Variants in NLRP9 observed in about 807,000 individuals in gnomAD.
NLRP9 encodes NLR family pyrin domain containing 9.
NLRP9 carries 88 observed loss-of-function variants against 83.1 expected under a neutral mutation model. The ratio of observed to expected loss-of-function variants is 1.06; its 90% CI spans 0.89 to 1.26. The LOEUF is 1.26. Ranked by LOEUF, NLRP9 falls within the 50% of genes most tolerant of loss-of-function variation. The pLI is 0.00. For missense variants in NLRP9, 1,308 were observed against 1,179.3 expected (o/e 1.11, Z -1.60); for synonymous variants, 521 against 447.6 (o/e 1.16, Z -2.07).
chr19:55,722,242 T>C (rs1988249818), intron 4 of NLRP9, among the ~76,000 whole-genome samples: 1 of 152,150 alleles, frequency 6.6e-6, no homozygotes, highest in African/African-American at 2.4e-5. Context: ...GTAGATATGT[T>C]CCCCAATCCT....
chr19:55,723,827 A>G (rs530247316), intron 4 of NLRP9, among the ~76,000 whole-genome samples, 153 bp downstream of exon 4: 1 of 152,098 alleles, frequency 6.6e-6, no homozygotes, highest in Non-Finnish European at 1.5e-5. Context: ...GGCAGAATCT[A>G]CCTTCACCTT....
At chr19:55,737,949 T>C in intron 1 of NLRP9, 146 bp downstream of exon 1, 2 of 780,830 alleles carry the variant, frequency 2.6e-6, no homozygotes, top group Non-Finnish European at 4.3e-6. Context: ...TGAACAGCCC[T>C]GGCCTGCAAC....
At position 55,732,833 on chromosome 19, in the gene NLRP9, A is replaced by C; in HGVS notation, c.998T>G (p.Leu333Trp). The change falls in exon 2 of 9, where the codon TTG becomes TGG. Residue 333 changes from leucine (L) to tryptophan (W), a missense_variant. Physicochemically the swap from Leu to Trp is moderately conservative, Grantham distance 61 (BLOSUM62 -2). Coordinates refer to ENST00000332836, the MANE Select transcript of NLRP9 (RefSeq NM_176820.4). ...FVRDNGPLFI[L>W]CHNPFTCWLV... ...CCAGCACGTAAAGGGATTATGGCAC[A>C]AGATAAACAGCGGCCCATTATCTCT... is the stretch of plus-strand genomic sequence containing the variant. The C allele has an allele frequency of 6.2e-7, 1 of 1,614,178 alleles. No homozygotes were observed. The highest frequency in any genetic ancestry group is 8.5e-7 in the Non-Finnish European group (1 of 1,180,020).
Position 55,732,844 on chromosome 19 carries a change from C to A in NLRP9, c.987G>T (p.Pro329=), listed in dbSNP as rs762877856. 2 of 1,614,074 alleles carry A rather than the reference C, an allele frequency of 1.2e-6. No homozygotes were observed. Among genetic ancestry groups the A allele is most frequent in the Non-Finnish European group, 1.7e-6 (2 of 1,179,978 alleles). ...KVFNFVRDNG[P]LFILCHNPFT... is the part of the protein sequence containing the mutation. ...AGGGATTATGGCACAAGATAAACAG[C>A]GGCCCATTATCTCTCACAAAATTGA... Residue 329 remains proline (P), a synonymous_variant, in exon 2 of 9, where the codon CCG becomes CCT. Transcript: ENST00000332836.
At chr19:55,736,463 A>G (rs115227306) in intron 1 of NLRP9, among the ~76,000 whole-genome samples, 3,237 of 152,190 alleles carry the variant, frequency 0.021, 83 homozygotes, top group African/African-American at 0.059. Flanking sequence ...CAAGTGAGAA[A>G]CTCTCAGTTC....
In NLRP9 at chr19:55,729,908, A is replaced by AT. The variant is rs756201407; in HGVS notation, c.1916dup (p.Asn639LysfsTer6). The AT allele has an allele frequency of 6.2e-7, 1 of 1,613,770 alleles. No homozygotes were observed. The highest frequency in any genetic ancestry group is 1.1e-5 in the South Asian group (1 of 91,062). On this transcript the variant is annotated frameshift_variant, in exon 3 of 9. Transcript: ENST00000332836. LOFTEE classifies it high-confidence loss of function. ...CCAGGGAGGGATCATCGAGGCTGGT[A>AT]TTTTCCATGTCTAAAATCTGGAAGT...
intron 8 of NLRP9, among the ~76,000 whole-genome samples, chr19:55,710,442 T>G (rs546557319): frequency 6.6e-6 from 1 of 152,238 alleles, no homozygotes; most frequent in African/African-American, 2.4e-5. Flanking sequence ...TGATATGGTT[T>G]GAATCTGTGT....
At chr19:55,722,263 T>C (rs1988251183) in intron 4 of NLRP9, among the ~76,000 whole-genome samples, 1 of 152,226 alleles carries the variant, frequency 6.6e-6, no homozygotes, top group Non-Finnish European at 1.5e-5. Flanking sequence ...TATGTTAATG[T>C]ATAATAGATA....
At position 55,729,832 on chromosome 19, in the gene NLRP9, T is replaced by G; in HGVS notation, c.1993A>C (p.Ile665Leu). The G allele has an allele frequency of 6.2e-7, 1 of 1,610,070 alleles. No individual in the cohort carries two copies. Residue 665 changes from isoleucine to leucine, a missense_variant and splice_region_variant, in exon 3 of 9, where the codon ATA becomes CTA. Transcript: ENST00000332836. ...AGGACAGGTTAACATAAAACTTACA[T>G]GAGTTTTCGGAGTTTACAAACAGGC... ...AQPVCKLRKL[I>L]FTSVYFGHDS...
chr19:55,724,215 G>C, intron 3 of NLRP9, 71 bp from the exon 4 acceptor site: 1 of 1,046,704 alleles, frequency 9.6e-7, no homozygotes, highest in South Asian at 1.6e-5. Context: ...CCTCTTGTAC[G>C]ATTCTTCCTG....
In NLRP9 at chr19:55,711,961, C is replaced by T. The variant is rs760040205; in HGVS notation, c.2682G>A (p.Thr894=). Residue 894 remains threonine (T), a synonymous_variant, in exon 8 of 9, where the codon ACG becomes ACA. Transcript: ENST00000332836. ...CGCAGCAGGCACGGGTGATCGGACA[C>T]GTTTGCAGCCTGCAAAAGGGAAACA... The part of the protein sequence containing the change: ...HCKLECLGLQ[T]CPITRACCDD... 4.2e-5 allele frequency: 68 copies of T among 1,612,052 alleles called. No individual in the cohort carries two copies. The Admixed American group carries it at 6.7e-4, about 16-fold the overall frequency.
chr19:55,731,562 A>C (rs921455028), intron 2 of NLRP9, among the ~76,000 whole-genome samples: 5 of 147,682 alleles, frequency 3.4e-5, no homozygotes, highest in Non-Finnish European at 7.4e-5. Context: ...TGTCTCTACC[A>C]AAAATACAAA....
chr19:55,718,368 A>G (rs1466090209), intron 4 of NLRP9, among the ~76,000 whole-genome samples: 2 of 152,150 alleles, frequency 1.3e-5, no homozygotes. Flanking sequence ...TGCAGTTGAG[A>G]TAAGAGGAAG....
At chr19:55,733,701 G>A (rs1988680177) in intron 1 of NLRP9, 151 bp from the exon 2 acceptor site, 4 of 593,650 alleles carry the variant, frequency 6.7e-6, no homozygotes, top group Non-Finnish European at 1.2e-5. Context: ...ACTGGTTCAC[G>A]CCATGATGGG....
intron 4 of NLRP9, among the ~76,000 whole-genome samples, chr19:55,718,398 C>A (rs947536728): frequency 6.6e-6 from 1 of 152,002 alleles, no homozygotes; most frequent in South Asian, 2.1e-4. Flanking sequence ...TCCTGCTGGT[C>A]CCTGGGAATG....
At chr19:55,727,960 G>C (rs1334972029) in intron 3 of NLRP9, among the ~76,000 whole-genome samples, 1 of 152,114 alleles carries the variant, frequency 6.6e-6, no homozygotes, top group East Asian at 1.9e-4. Flanking sequence ...AGGAACATAG[G>C]AAAAATCCAG....
At chr19:55,717,715 T>TA (rs1168438330) in intron 4 of NLRP9, among the ~76,000 whole-genome samples, 1 of 152,220 alleles carries the variant, frequency 6.6e-6, no homozygotes, top group Non-Finnish European at 1.5e-5. Context: ...TTGCAGCCAC[T>TA]AAGTAGGTGT....
rs1988547915 is a variant in NLRP9 at position 55,730,756 on chromosome 19, G to T, written c.1833-764C>A. Among the ~76,000 whole-genome samples the T allele has an allele frequency of 2.0e-5, 3 of 152,154 alleles. No homozygotes were observed. In the South Asian group the frequency reaches 6.2e-4, roughly 32 times the overall value. On this transcript the variant is annotated intron_variant, in intron 2 of 8. Coordinates refer to ENST00000332836, the MANE Select transcript of NLRP9 (RefSeq NM_176820.4). ...GGAACCACACACACTGGGGCCTGTTGGAGTGTGGGGCTTGGGAGGAGGGAG... is the reference window on the plus strand; with the variant it reads ...GGAACCACACACACTGGGGCCTGTTTGAGTGTGGGGCTTGGGAGGAGGGAG...
In NLRP9 at chr19:55,715,222, C is replaced by A. The variant is rs1987963455; in HGVS notation, c.2334G>T (p.Leu778Phe). The A allele has an allele frequency of 6.2e-7, 1 of 1,612,550 alleles. No homozygotes were observed. Among genetic ancestry groups the A allele is most frequent in the Non-Finnish European group, 8.5e-7 (1 of 1,179,482 alleles). Residue 778 changes from leucine (L) to phenylalanine (F), a missense_variant, in exon 6 of 9, where the codon TTG becomes TTT. Physicochemically the swap from Leu to Phe is conservative, Grantham distance 22 (BLOSUM62 0). Transcript: ENST00000332836. ...HSHCALERLM[L>F]MYCCLTSVSC... ...AGACAGAGGTGAGACAGCAGTACATCAACCTGCAAAGAAACACACCGTCTC... is the reference window on the plus strand; with the variant it reads ...AGACAGAGGTGAGACAGCAGTACATAAACCTGCAAAGAAACACACCGTCTC...
Sources: allele counts gnomAD v4.1 joint callset (sites outside exome capture counted in the v4.1 genomes callset), GRCh38; gene constraint gnomAD v4.1.1; transcripts MANE v1.5; gene names NCBI Gene and HGNC (gene_info 2026-07-23, HGNC 2026-07-21).